Variants in EXOC6B observed in about 807,000 individuals in gnomAD.
EXOC6B encodes the protein SEC15 homolog B.
In EXOC6B, 54 loss-of-function variants were observed where a neutral mutation model predicts 113.5. The ratio of observed to expected loss-of-function variants is 0.48; its 90% CI spans 0.38 to 0.60. The LOEUF is 0.60. Ranked by LOEUF, EXOC6B falls within the 20% of genes least tolerant of loss-of-function variation. The probability of loss-of-function intolerance (pLI) is 0.00; values close to 1 mark genes in which losing one functional copy is unlikely to be tolerated. For missense variants in EXOC6B, 797 were observed against 977.5 expected (o/e 0.82, Z 2.46); for synonymous variants, 357 against 339.0 (o/e 1.05, Z -0.58).
chr2:72,640,055 T>G (rs187194224), intron 6 of EXOC6B, among the ~76,000 whole-genome samples: 1 of 151,982 alleles, frequency 6.6e-6, no homozygotes. Flanking sequence ...AGAATATGGA[T>G]AGGAATGAAG....
chr2:72,482,427 C>G (rs35190321), intron 16 of EXOC6B, among the ~76,000 whole-genome samples: 21,455 of 148,680 alleles, frequency 0.14, 1,949 homozygotes, highest in African/African-American at 0.27. Context: ...TGGCAGGTAG[C>G]GGGGAGTTTT....
chr2:72,466,860 T>C (rs1455387407), intron 17 of EXOC6B, among the ~76,000 whole-genome samples: 1 of 152,220 alleles, frequency 6.6e-6, no homozygotes. Context: ...GTAGGAATAC[T>C]TAAAAGTACT....
At chr2:72,447,242 A>G (rs999407351) in intron 18 of EXOC6B, among the ~76,000 whole-genome samples, 1 of 152,170 alleles carries the variant, frequency 6.6e-6, no homozygotes, top group Non-Finnish European at 1.5e-5. Flanking sequence ...CTATTCCATT[A>G]AACTCTGAGC....
intron 20 of EXOC6B, among the ~76,000 whole-genome samples, chr2:72,209,243 A>AAAG (rs1680028944): frequency 4.5e-5 from 5 of 110,588 alleles, no homozygotes; most frequent in African/African-American, 1.8e-4. Context: ...AAAAAAAAAA[A>AAAG]AAAAGAAAAG....
At chr2:72,579,124 A>G (rs1705047999) in intron 6 of EXOC6B, among the ~76,000 whole-genome samples, 1 of 152,190 alleles carries the variant, frequency 6.6e-6, no homozygotes, top group Non-Finnish European at 1.5e-5. Flanking sequence ...ACAGATTACA[A>G]GAAGCAAAAG....
At chr2:72,269,270 C>CA (rs113048928) in intron 20 of EXOC6B, among the ~76,000 whole-genome samples, 2,742 of 146,020 alleles carry the variant, frequency 0.019, 80 homozygotes, top group African/African-American at 0.063. Flanking sequence ...AAATTTCTGC[C>CA]AAAAAAAAAA....
chr2:72,601,066 TAAC>T (rs901937958), intron 6 of EXOC6B, among the ~76,000 whole-genome samples: 3 of 151,384 alleles, frequency 2.0e-5, no homozygotes, highest in Admixed American at 6.6e-5. Flanking sequence ...CTAATTAAAA[TAAC>T]AAGTAGACAC....
intron 2 of EXOC6B, among the ~76,000 whole-genome samples, chr2:72,740,729 G>A (rs115616388): frequency 1.2e-4 from 18 of 152,258 alleles, no homozygotes; most frequent in African/African-American, 4.3e-4. Context: ...GAGTCAAACT[G>A]AGTTTCTGTT....
At chr2:72,623,282 A>C (rs193088478) in intron 6 of EXOC6B, among the ~76,000 whole-genome samples, 1 of 152,190 alleles carries the variant, frequency 6.6e-6, no homozygotes, top group South Asian at 2.1e-4. Flanking sequence ...ATAGATTTAC[A>C]TATCTATACC....
intron 1 of EXOC6B, among the ~76,000 whole-genome samples, chr2:72,753,708 A>G (rs1453534598): frequency 1.3e-5 from 2 of 152,128 alleles, no homozygotes; most frequent in Non-Finnish European, 2.9e-5. Flanking sequence ...GATGCCCTCC[A>G]TGTCCAGCAT....
rs1215529529 is a variant in EXOC6B, at chr2:72,697,144, A to G, written c.669+20959T>C. Among the ~76,000 whole-genome samples, 452 of 152,130 alleles carry G rather than the reference A, an allele frequency of 3.0e-3. 1 individual carries two copies. The highest frequency in any genetic ancestry group is 9.9e-3 in the African/African-American group (410 of 41,476). On this transcript the variant is annotated intron_variant, in intron 6 of 21. Coordinates refer to ENST00000272427, the MANE Select transcript of EXOC6B (RefSeq NM_015189.3). ...GATATAGATATAGATATAGATATAG[A>G]TATAGATATGGGGTATACACACACA... is the stretch of plus-strand genomic sequence containing the variant.
At chr2:72,753,834 T>A (rs1346186182) in intron 1 of EXOC6B, among the ~76,000 whole-genome samples, 1 of 152,188 alleles carries the variant, frequency 6.6e-6, no homozygotes. Context: ...AAATTCCTAC[T>A]CATCTTTCAA....
At chr2:72,463,544 G>T (rs1406425061) in intron 18 of EXOC6B, 2 of 152,012 alleles carry the variant, frequency 1.3e-5, no homozygotes, top group East Asian at 3.9e-4. Flanking sequence ...TAACTACTAG[G>T]GGGCGAAAAA....
At chr2:72,361,555 A>T (rs1306505873) in intron 19 of EXOC6B, among the ~76,000 whole-genome samples, 1 of 152,212 alleles carries the variant, frequency 6.6e-6, no homozygotes, top group Non-Finnish European at 1.5e-5. Context: ...TGGAGAGGCA[A>T]GAATAGCTGG....
intron 20 of EXOC6B, among the ~76,000 whole-genome samples, chr2:72,324,735 T>C (rs575187874): frequency 6.6e-6 from 1 of 152,246 alleles, no homozygotes; most frequent in African/African-American, 2.4e-5. Flanking sequence ...CTAATCACCA[T>C]GCTGCCCTGC....
At chr2:72,343,283 C>T (rs369629233) in intron 19 of EXOC6B, among the ~76,000 whole-genome samples, 2 of 151,946 alleles carry the variant, frequency 1.3e-5, no homozygotes, top group African/African-American at 4.8e-5. Context: ...AAAAGTTAGC[C>T]GGGTGTGGTG....
At chr2:72,544,683 AT>A (rs553305763) in intron 8 of EXOC6B, among the ~76,000 whole-genome samples, 102 of 152,226 alleles carry the variant, frequency 6.7e-4, no homozygotes, top group African/African-American at 2.4e-3. Context: ...CCTCTTTTAT[AT>A]TTTTTAACAG....
At chr2:72,337,448 C>A (rs1473961351) in intron 19 of EXOC6B, among the ~76,000 whole-genome samples, 1 of 152,172 alleles carries the variant, frequency 6.6e-6, no homozygotes, top group African/African-American at 2.4e-5. Context: ...AACAGAATCA[C>A]CCACCTGAAT....
Position 72,178,083 on chromosome 2 carries a change from A to C in EXOC6B, c.*1252T>G, listed in dbSNP as rs1161924654. On this transcript the variant is annotated 3_prime_UTR_variant, in exon 22 of 22. Transcript: ENST00000272427. ...GGCAATCTTTCTTAGACAAGGCCAA[A>C]GATGGCTTTGGGGATCTCAAAAGAG... 2.0e-5 allele frequency: 3 copies of C among 152,238 alleles called. No individual in the cohort carries two copies. Among genetic ancestry groups the C allele is most frequent in the African/African-American group, 7.2e-5 (3 of 41,464 alleles). The allele number at this position is 152,238 out of a possible 1,614,324, so 9.4% of individuals were successfully genotyped here.
Sources: gnomAD v4.1 joint callset for allele counts (sites outside exome capture counted in the v4.1 genomes callset) on GRCh38, gnomAD v4.1.1 for gene constraint, MANE v1.5 for transcripts, NCBI Gene and HGNC (gene_info 2026-07-23, HGNC 2026-07-21) for gene names.